The following MYO18B variants were observed in gnomAD, a reference collection of about 807,000 sequenced individuals.
The protein encoded by MYO18B is myosin XVIIIB, also known as unconventional myosin-XVIIIb.
A neutral mutation model predicts 273.0 loss-of-function variants in MYO18B; 204 were observed. That is an observed-to-expected ratio of 0.75 (90% CI 0.67 to 0.84). The LOEUF (loss-of-function observed/expected upper bound fraction) is 0.84. Ranked by LOEUF, MYO18B falls within the 40% of genes least tolerant of loss-of-function variation. MYO18B has a pLI of 0.00. For missense variants in MYO18B, 3,212 were observed against 3,287.6 expected (o/e 0.98, Z 0.56); for synonymous variants, 1,330 against 1,305.7 (o/e 1.02, Z -0.40).
Position 25,843,718 on chromosome 22 carries a change from A to AC in MYO18B, c.3209-15dup. On this transcript the variant is annotated splice_polypyrimidine_tract_variant and intron_variant, in intron 17 of 43. Coordinates refer to ENST00000335473, the MANE Select transcript of MYO18B (RefSeq NM_032608.7). ...CTCAACAGGCTCCAGCACTCATGCC[A>AC]CCATGTCTGTTTCCAGGGTCCTCTG... 1.9e-6 allele frequency: 3 copies of AC among 1,609,006 alleles called. No homozygotes were observed. Among genetic ancestry groups the AC allele is most frequent in the Non-Finnish European group, 2.6e-6 (3 of 1,176,012 alleles).
chr22:25,980,573 T>C (rs1177841361), intron 39 of MYO18B, among the ~76,000 whole-genome samples: 1 of 152,200 alleles, frequency 6.6e-6, no homozygotes, highest in African/African-American at 2.4e-5. Context: ...TCTATACTCA[T>C]ACGCAGAAAT....
At chr22:25,856,384 T>C (rs1338180260) in intron 21 of MYO18B, among the ~76,000 whole-genome samples, 1 of 152,222 alleles carries the variant, frequency 6.6e-6, no homozygotes, top group Non-Finnish European at 1.5e-5. Flanking sequence ...TTACAGGACA[T>C]GCCATTCATG....
rs117312015 is a variant in MYO18B at position 25,883,878 on chromosome 22, C to T, written c.4314+5830C>T. Among the ~76,000 whole-genome samples the T allele has an allele frequency of 2.5e-3, 374 of 152,334 alleles. 3 individuals are homozygous for T. Among genetic ancestry groups the T allele is most frequent in the Admixed American group, 4.2e-3 (65 of 15,304 alleles). ...GCCTCTAAGAATCTGGCTATAAATA[C>T]TCTTCAAGCATGCAAAATGTGCCTT... On this transcript the variant is annotated intron_variant, in intron 25 of 43. Coordinates refer to ENST00000335473, the MANE Select transcript of MYO18B (RefSeq NM_032608.7). The surrounding 1 kb of genome is among the most constrained non-coding windows in gnomAD (Gnocchi z 7.6).
At chr22:25,891,171 G>T (rs1182603318) in intron 26 of MYO18B, 133 bp from the exon 27 acceptor site, 1 of 742,054 alleles carries the variant, frequency 1.3e-6, no homozygotes, top group South Asian at 1.9e-5. Flanking sequence ...GCTAGCCCAT[G>T]GTCCTGGATT....
At chr22:26,010,161 ACT>A (rs936366145) in intron 42 of MYO18B, among the ~76,000 whole-genome samples, 1 of 151,348 alleles carries the variant, frequency 6.6e-6, no homozygotes, top group Non-Finnish European at 1.5e-5. Context: ...CCAAACAAAT[ACT>A]CTTTCTGCTT....
intron 1 of MYO18B, among the ~76,000 whole-genome samples, chr22:25,757,023 T>C (rs1041542262): frequency 4.6e-5 from 7 of 152,238 alleles, no homozygotes; most frequent in African/African-American, 1.4e-4. Flanking sequence ...ATCGTGCCAC[T>C]GCTCTCCGAC....
intron 33 of MYO18B, among the ~76,000 whole-genome samples, chr22:25,919,560 A>G (rs5997002): frequency 0.041 from 6,229 of 152,276 alleles, 444 homozygotes; most frequent in African/African-American, 0.14. Flanking sequence ...TGTAAAGGCA[A>G]TAATAATAAG....
chr22:25,851,425 C>T (rs2090423638), intron 20 of MYO18B, 45 bp from the exon 21 acceptor site: 1 of 1,358,868 alleles, frequency 7.4e-7, no homozygotes, highest in African/African-American at 1.4e-5. Context: ...TGGGTCTTCT[C>T]ATCTGGACTC....
intron 14 of MYO18B, 22 bp from the exon 15 acceptor site, chr22:25,828,754 C>T: frequency 1.2e-6 from 2 of 1,603,796 alleles, no homozygotes; most frequent in Middle Eastern, 1.7e-4. Flanking sequence ...TCAGACATTC[C>T]ACCTCTCTCT....
At chr22:25,807,767 A>G (rs1001644399) in intron 12 of MYO18B, among the ~76,000 whole-genome samples, 1 of 152,082 alleles carries the variant, frequency 6.6e-6, no homozygotes, top group East Asian at 1.9e-4. Context: ...CCACCCCTAG[A>G]TGAAGGAGCA....
At chr22:25,872,519 G>C (rs538119432) in intron 22 of MYO18B, among the ~76,000 whole-genome samples, 18 of 152,288 alleles carry the variant, frequency 1.2e-4, no homozygotes, top group Non-Finnish European at 2.5e-4. Flanking sequence ...GTATTAAAAA[G>C]AGACCTAGGA....
At chr22:25,834,815 T>G (rs2089838966) in intron 16 of MYO18B, among the ~76,000 whole-genome samples, 1 of 152,188 alleles carries the variant, frequency 6.6e-6, no homozygotes, top group African/African-American at 2.4e-5. Context: ...CTTTGAGTGC[T>G]TTTTTTCTCC....
intron 20 of MYO18B, among the ~76,000 whole-genome samples, chr22:25,848,359 T>C (rs1252915524): frequency 6.6e-6 from 1 of 152,094 alleles, no homozygotes; most frequent in Non-Finnish European, 1.5e-5. Context: ...TGTAATACCA[T>C]AGTCAGGCCT....
intron 33 of MYO18B, among the ~76,000 whole-genome samples, chr22:25,915,392 G>A (rs1346111864): frequency 1.3e-5 from 2 of 152,172 alleles, no homozygotes; most frequent in Non-Finnish European, 2.9e-5. Context: ...CTACAGACCT[G>A]TACAGCATGT....
In MYO18B at chr22:25,921,360, A is replaced by C; in HGVS notation, c.5468A>C (p.Asp1823Ala). 6.3e-7 allele frequency: 1 copy of C among 1,596,460 alleles called. No individual in the cohort carries two copies. Among genetic ancestry groups the C allele is most frequent in the Non-Finnish European group, 8.5e-7 (1 of 1,171,530 alleles). Reference sequence around the variant, plus strand: ...CAGCTCCTTCTGGGCACCATGGAGGATGGCAAGACATCAGTCAGCAAGGAG... The same window carrying C: ...CAGCTCCTTCTGGGCACCATGGAGGCTGGCAAGACATCAGTCAGCAAGGAG... Reference protein sequence around the residue: ...DVQLLLGTMEDGKTSVSKEEL... With the variant: ...DVQLLLGTMEAGKTSVSKEEL... The change falls in exon 34 of 44, where the codon GAT (aspartate) becomes GCT (alanine). Residue 1823 changes from aspartate to alanine, a missense_variant. Coordinates refer to ENST00000335473, the MANE Select transcript of MYO18B (RefSeq NM_032608.7).
chr22:25,768,439 G>T lies in MYO18B; in HGVS notation c.523G>T (p.Ala175Ser). 6 of 1,604,324 alleles carry T rather than the reference G, an allele frequency of 3.7e-6. No homozygotes were observed. The highest frequency in any genetic ancestry group is 1.1e-5 in the South Asian group (1 of 90,098). The change falls in exon 4 of 44, where the codon GCC becomes TCC. Residue 175 changes from alanine to serine, a missense_variant. Transcript: ENST00000335473. The stretch of plus-strand genomic sequence containing the variant: ...GCCAGAGAAGACTCATCCCCATGAC[G>T]CCCCCCCTTGCAAGACCTCTCCCCC... Reference protein sequence around the residue: ...AKPEKTHPHDAPPCKTSPPAT... With the variant: ...AKPEKTHPHDSPPCKTSPPAT...
At chr22:25,814,951 G>A (rs2088936942) in intron 12 of MYO18B, among the ~76,000 whole-genome samples, 1 of 152,182 alleles carries the variant, frequency 6.6e-6, no homozygotes, top group South Asian at 2.1e-4. Context: ...AGCCCAATCT[G>A]GGACCAAGAG....
chr22:25,971,049 A>G (rs915889276), intron 39 of MYO18B, among the ~76,000 whole-genome samples: 2 of 152,372 alleles, frequency 1.3e-5, no homozygotes, highest in East Asian at 1.9e-4. Context: ...GTAGAGGGAC[A>G]GGTAGTAAAT....
rs974231567 is a variant in MYO18B at position 25,868,298 on chromosome 22, TTCTC to T, written c.3886-18_3886-15del. On this transcript the variant is annotated intron_variant, in intron 21 of 43. Coordinates refer to ENST00000335473, the MANE Select transcript of MYO18B (RefSeq NM_032608.7). ...CCTCCTACCTTCTATGCTGTCTAAC[TTCTC>T]TCTAATTTTTTCCCCAGGCCGTGGA... 4 of 1,586,188 alleles carry T rather than the reference TTCTC, an allele frequency of 2.5e-6. No individual in the cohort carries two copies. In the South Asian group the frequency reaches 3.5e-5, roughly 14 times the overall value.
Sources: allele counts gnomAD v4.1 joint callset (sites outside exome capture counted in the v4.1 genomes callset), GRCh38; gene constraint gnomAD v4.1.1; non-coding constraint Gnocchi (gnomAD v3.1); transcripts MANE v1.5; gene names NCBI Gene and HGNC (gene_info 2026-07-23, HGNC 2026-07-21).